Variants in CCDC91 observed in about 807,000 individuals in gnomAD.
CCDC91 encodes the protein coiled-coil domain-containing protein 91.
A neutral mutation model predicts 63.2 loss-of-function variants in CCDC91; 48 were observed. The observed-to-expected ratio is 0.76, with a 90% CI of 0.60 to 0.97. The LOEUF (loss-of-function observed/expected upper bound fraction) is 0.97, where lower values mean the gene tolerates loss of function less well. Among genes scored for constraint, CCDC91 ranks in the 50% least tolerant of loss-of-function variants. The pLI, the probability that CCDC91 is intolerant of heterozygous loss-of-function variation, is 0.00. For missense variants in CCDC91, 500 were observed against 494.6 expected (o/e 1.01, Z -0.10); for synonymous variants, 167 against 165.8 (o/e 1.01, Z -0.06).
intron 8 of CCDC91, among the ~76,000 whole-genome samples, chr12:28,397,475 C>A (rs750190399): frequency 5.9e-5 from 9 of 151,284 alleles, no homozygotes; most frequent in Non-Finnish European, 1.0e-4. Context: ...AATGTATGGG[C>A]GAGAGCCCCA....
chr12:28,351,862 G>A (rs1005024837), intron 6 of CCDC91, among the ~76,000 whole-genome samples: 12 of 152,008 alleles, frequency 7.9e-5, no homozygotes, highest in African/African-American at 2.9e-4. Flanking sequence ...ATTTCTCTTA[G>A]TACACCATTT....
At chr12:28,384,107 A>G (rs1416018169) in intron 7 of CCDC91, among the ~76,000 whole-genome samples, 5 of 152,096 alleles carry the variant, frequency 3.3e-5, no homozygotes, top group Non-Finnish European at 5.9e-5. Flanking sequence ...TCATTTGGAT[A>G]CTATTTCTTC....
intron 3 of CCDC91, among the ~76,000 whole-genome samples, chr12:28,296,285 G>GT (rs1378790669): frequency 1.3e-5 from 2 of 151,360 alleles, no homozygotes; most frequent in South Asian, 2.1e-4. Flanking sequence ...AATGGTAACA[G>GT]TTTTTTTTGT....
At chr12:28,347,007 G>A (rs1277900802) in intron 6 of CCDC91, among the ~76,000 whole-genome samples, 1 of 152,152 alleles carries the variant, frequency 6.6e-6, no homozygotes, top group African/African-American at 2.4e-5. Flanking sequence ...TATGAGCTAG[G>A]AACTGGCAGT....
intron 1 of CCDC91, among the ~76,000 whole-genome samples, chr12:28,205,484 C>T (rs1942777418): frequency 6.6e-6 from 1 of 152,002 alleles, no homozygotes; most frequent in Non-Finnish European, 1.5e-5. Context: ...AAAACTTCAG[C>T]CAAATTAAAT....
At chr12:28,245,798 A>G (rs1341805124) in intron 1 of CCDC91, among the ~76,000 whole-genome samples, 1 of 152,208 alleles carries the variant, frequency 6.6e-6, no homozygotes, top group Admixed American at 6.5e-5. Flanking sequence ...GTCAGGAAGG[A>G]TGAAGATTTA....
At chr12:28,363,533 C>T (rs931328528) in intron 7 of CCDC91, among the ~76,000 whole-genome samples, 2 of 152,150 alleles carry the variant, frequency 1.3e-5, no homozygotes, top group Non-Finnish European at 2.9e-5. Flanking sequence ...AACTTCCTCA[C>T]TAGACTTGTT....
chr12:28,415,269 GCT>G (rs1369019516), intron 8 of CCDC91, among the ~76,000 whole-genome samples: 1 of 151,590 alleles, frequency 6.6e-6, no homozygotes, highest in African/African-American at 2.4e-5. Context: ...TGTTGCCCAG[GCT>G]GGAGTGCAAT....
intron 8 of CCDC91, among the ~76,000 whole-genome samples, chr12:28,424,798 GT>G (rs1948216900): frequency 6.6e-6 from 1 of 151,926 alleles, no homozygotes; most frequent in South Asian, 2.1e-4. Context: ...GGTTTGTACT[GT>G]TTTCTTTAAG....
intron 8 of CCDC91, among the ~76,000 whole-genome samples, chr12:28,441,721 A>G (rs1949229707): frequency 7.9e-5 from 1 of 12,726 alleles, no homozygotes; most frequent in African/African-American, 1.6e-3. Flanking sequence ...TATATCTCAT[A>G]TATATCATAT....
At chr12:28,380,059 C>G (rs1417825665) in intron 7 of CCDC91, among the ~76,000 whole-genome samples, 1 of 152,052 alleles carries the variant, frequency 6.6e-6, no homozygotes, top group Non-Finnish European at 1.5e-5. Flanking sequence ...TCATTCTCAG[C>G]AAACTATCAC....
chr12:28,442,853 T>C lies in CCDC91; in HGVS notation c.763-7308T>C, dbSNP rs550161835. Among the ~76,000 whole-genome samples, 11 of 152,230 alleles carry C rather than the reference T, an allele frequency of 7.2e-5. No homozygotes were observed. The East Asian group carries it at 2.1e-3, about 29-fold the overall frequency. On this transcript the variant is annotated intron_variant, in intron 8 of 12. Transcript: ENST00000536442. ...AAATGTCAAAGTATGTTTGTTTGTT[T>C]GTTTGTTTTCATGAATGAAGAGAAT...
At chr12:28,386,433 A>T (rs1318724606) in intron 7 of CCDC91, among the ~76,000 whole-genome samples, 2 of 152,098 alleles carry the variant, frequency 1.3e-5, no homozygotes, top group Non-Finnish European at 2.9e-5. Flanking sequence ...CAGTGGCATG[A>T]TCTCAGCTCA....
rs563735426 is a variant in CCDC91, at chr12:28,539,585, G to T, written c.1216-9478G>T. Among the ~76,000 whole-genome samples, 17 of 152,140 alleles carry T rather than the reference G, an allele frequency of 1.1e-4. No homozygotes were observed. The East Asian group carries it at 3.1e-3, about 28-fold the overall frequency. Reference sequence around the variant, plus strand: ...TTTTGGCTTAGGATAGGTGTTTAGTGTTATTTTTCAACATCTGTTTGAGAA... The same window carrying T: ...TTTTGGCTTAGGATAGGTGTTTAGTTTTATTTTTCAACATCTGTTTGAGAA... On this transcript the variant is annotated intron_variant, in intron 12 of 12. Transcript: ENST00000536442.
chr12:28,535,303 C>A (rs533402754), intron 12 of CCDC91, among the ~76,000 whole-genome samples: 1 of 152,260 alleles, frequency 6.6e-6, no homozygotes, highest in East Asian at 1.9e-4. Flanking sequence ...AATGAAGTGG[C>A]AAATCACATG....
At chr12:28,535,121 G>A (rs1331290896) in intron 12 of CCDC91, among the ~76,000 whole-genome samples, 2 of 152,124 alleles carry the variant, frequency 1.3e-5, no homozygotes, top group Admixed American at 6.6e-5. Context: ...TTGCTGTTTG[G>A]CATGCATACA....
At chr12:28,296,336 T>C (rs1338795098) in intron 3 of CCDC91, among the ~76,000 whole-genome samples, 3 of 151,914 alleles carry the variant, frequency 2.0e-5, no homozygotes, top group African/African-American at 7.2e-5. Context: ...CAATTTGTAG[T>C]ATACAGGGTT....
intron 12 of CCDC91, among the ~76,000 whole-genome samples, chr12:28,540,720 C>G (rs1010443059): frequency 3.3e-5 from 5 of 152,120 alleles, no homozygotes; most frequent in African/African-American, 1.2e-4. Flanking sequence ...TATTAATCCC[C>G]TGCCTTTGAG....
intron 12 of CCDC91, among the ~76,000 whole-genome samples, chr12:28,548,480 A>G (rs1242693530): frequency 6.6e-6 from 1 of 152,148 alleles, no homozygotes; most frequent in Non-Finnish European, 1.5e-5. Context: ...CATGTTGGCC[A>G]GGCTGGTCGC....
Sources: gnomAD v4.1 joint callset for allele counts (sites outside exome capture counted in the v4.1 genomes callset) on GRCh38, gnomAD v4.1.1 for gene constraint, MANE v1.5 for transcripts, NCBI Gene and HGNC (gene_info 2026-07-23, HGNC 2026-07-21) for gene names.